The following MFSD8 variants were observed in gnomAD, a reference collection of about 807,000 sequenced individuals.
The protein encoded by MFSD8 is major facilitator superfamily domain-containing protein 8.
In MFSD8, 55 loss-of-function variants were observed where a neutral mutation model predicts 66.4. The observed-to-expected ratio is 0.83, with a 90% CI of 0.67 to 1.04. The LOEUF (loss-of-function observed/expected upper bound fraction) is 1.04. Among genes scored for constraint, MFSD8 ranks in the 50% least tolerant of loss-of-function variants. The probability of loss-of-function intolerance (pLI) is 0.00; values close to 1 mark genes in which losing one functional copy is unlikely to be tolerated. For missense variants in MFSD8, 550 were observed against 627.6 expected (o/e 0.88, Z 1.32); for synonymous variants, 202 against 212.8 (o/e 0.95, Z 0.44).
intron 11 of MFSD8, 45 bp downstream of exon 11, chr4:127,921,479 A>T (rs754241172): frequency 6.2e-7 from 1 of 1,612,836 alleles, no homozygotes; most frequent in African/African-American, 1.3e-5. Context: ...TTGAGTGCTT[A>T]CAAGTATATT....
chr4:127,933,084 T>C lies in MFSD8; in HGVS notation c.764A>G (p.Asp255Gly), dbSNP rs1738433793. The C allele has an allele frequency of 1.2e-6, 2 of 1,613,502 alleles. No individual in the cohort carries two copies. Among genetic ancestry groups the C allele is most frequent in the Non-Finnish European group, 1.7e-6 (2 of 1,179,564 alleles). Residue 255 changes from aspartate (D) to glycine (G), a missense_variant, in exon 8 of 12, where the codon GAT becomes GGT. Physicochemically the swap from Asp to Gly is moderately conservative, Grantham distance 94. Transcript: ENST00000641686. ...ATTTCCTTGGGGAACCTGAGCTTCATCTGTACTTGCTATAGGGAAATAGGA... is the reference window on the plus strand; with the variant it reads ...ATTTCCTTGGGGAACCTGAGCTTCACCTGTACTTGCTATAGGGAAATAGGA... ...KSINFEEASTDEAQVPQGNID... is the reference protein window; with the variant it reads ...KSINFEEASTGEAQVPQGNID...
At chr4:127,953,613 G>C (rs568444254) in intron 2 of MFSD8, among the ~76,000 whole-genome samples, 1 of 138,562 alleles carries the variant, frequency 7.2e-6, no homozygotes, top group South Asian at 2.3e-4. Context: ...GAGTGCAGTG[G>C]TGTGATCTTG....
At chr4:127,928,535 A>G (rs897684783) in intron 9 of MFSD8, among the ~76,000 whole-genome samples, 3 of 152,228 alleles carry the variant, frequency 2.0e-5, no homozygotes, top group African/African-American at 7.2e-5. Context: ...AGTCAAAACC[A>G]CAATTAGGTA....
At chr4:127,926,091 G>T (rs922406239) in intron 9 of MFSD8, among the ~76,000 whole-genome samples, 4 of 151,742 alleles carry the variant, frequency 2.6e-5, no homozygotes, top group South Asian at 2.1e-4. Context: ...ATTGCGGGGT[G>T]GGGGGCTAGA....
chr4:127,962,688 T>C (rs368055889), intron 1 of MFSD8, among the ~76,000 whole-genome samples: 3 of 151,596 alleles, frequency 2.0e-5, no homozygotes, highest in Admixed American at 6.6e-5. Context: ...AAAAAAAGTA[T>C]AGCAGTGTAA....
chr4:127,933,256 A>C (rs1011277244), intron 7 of MFSD8, 163 bp from the exon 8 acceptor site: 8 of 571,338 alleles, frequency 1.4e-5, no homozygotes, highest in Non-Finnish European at 2.2e-5. Flanking sequence ...GTTTATTTTT[A>C]TTTTTTGAGA....
chr4:127,939,596 T>G, intron 6 of MFSD8: 1 of 257,048 alleles, frequency 3.9e-6, no homozygotes, highest in Non-Finnish European at 6.4e-6. Flanking sequence ...CAGAGTAAGA[T>G]CTTGTCTCAA....
rs1275609214 is a variant in MFSD8, at chr4:127,958,942, C to A, written c.63-1350G>T. 8.5e-5 allele frequency among the ~76,000 whole-genome samples: 13 copies of A among 152,296 alleles called. No individual in the cohort carries two copies. In the South Asian group the frequency reaches 2.5e-3, roughly 29 times the overall value. The stretch of plus-strand genomic sequence containing the variant: ...GAAGGATCATCAATGGATGCTAAAA[C>A]AACTGACTGGAAGATTGTTAAGGAG... On this transcript the variant is annotated intron_variant, in intron 1 of 11. Coordinates refer to ENST00000641686, the MANE Select transcript of MFSD8 (RefSeq NM_001371596.2).
chr4:127,938,602 AAT>A (rs1560744965), intron 7 of MFSD8, among the ~76,000 whole-genome samples, 179 bp downstream of exon 7: 112 of 136,618 alleles, frequency 8.2e-4, no homozygotes, highest in African/African-American at 2.6e-3. Flanking sequence ...AAAATAAATA[AAT>A]AAATAAATAA....
In MFSD8 at chr4:127,921,607, C is replaced by G. The variant is rs1200446199; in HGVS notation, c.1267G>C (p.Ala423Pro). Residue 423 changes from alanine to proline, a missense_variant, in exon 11 of 12, where the codon GCT (alanine) becomes CCT (proline). Coordinates refer to ENST00000641686, the MANE Select transcript of MFSD8 (RefSeq NM_001371596.2). ...GGATAGCCTAATCCTATTAGCACAG[C>G]TGATGTAAGGAACTGGGCCAGATGA... ...VIHLAQFLTS[A>P]VLIGLGYPVC... 12 of 1,614,042 alleles carry G rather than the reference C, an allele frequency of 7.4e-6. No homozygotes were observed. In the Admixed American group the frequency reaches 2.0e-4, roughly 27 times the overall value.
intron 4 of MFSD8, among the ~76,000 whole-genome samples, chr4:127,943,124 G>A (rs1406037825): frequency 1.3e-5 from 2 of 152,034 alleles, no homozygotes; most frequent in Non-Finnish European, 2.9e-5. Flanking sequence ...GGCTGAGGCA[G>A]GAGAATTGCT....
At chr4:127,926,552 G>A (rs1045381341) in intron 9 of MFSD8, among the ~76,000 whole-genome samples, 15 of 151,790 alleles carry the variant, frequency 9.9e-5, no homozygotes, top group Admixed American at 1.3e-4. Context: ...TGCTTTGAGG[G>A]GATGGTATTG....
intron 7 of MFSD8, among the ~76,000 whole-genome samples, chr4:127,934,946 TG>T (rs1738807923): frequency 1.6e-4 from 1 of 6,324 alleles, no homozygotes; most frequent in African/African-American, 6.8e-4. Flanking sequence ...TGTTAGTGGG[TG>T]GGTGGGGGGG....
intron 7 of MFSD8, among the ~76,000 whole-genome samples, chr4:127,936,170 G>A (rs34625382): frequency 0.55 from 84,068 of 151,596 alleles, 24,529 homozygotes; most frequent in Middle Eastern, 0.8. Flanking sequence ...GCTGGAGTAC[G>A]TGGCGTGATA....
chr4:127,957,349 T>A (rs554202515), intron 2 of MFSD8, 152 bp downstream of exon 2: 6 of 621,784 alleles, frequency 9.6e-6, no homozygotes, highest in African/African-American at 1.8e-5. Flanking sequence ...TTAAGGCTAT[T>A]GAACTTAGAT....
chr4:127,926,511 T>C (rs1219637701), intron 9 of MFSD8, among the ~76,000 whole-genome samples: 1 of 151,864 alleles, frequency 6.6e-6, no homozygotes, highest in Non-Finnish European at 1.5e-5. Context: ...CACATTTGTG[T>C]TTATTGGCTT....
chr4:127,942,024 T>G, intron 5 of MFSD8, 21 bp downstream of exon 5: 25 of 1,560,654 alleles, frequency 1.6e-5, no homozygotes, highest in African/African-American at 2.7e-5. Context: ...ATTCAAGTAA[T>G]GACATGTGAA....
upstream of MFSD8, chr4:127,965,176 C>T (rs775119203): frequency 1.9e-6 from 3 of 1,611,334 alleles, no homozygotes; most frequent in East Asian, 2.2e-5. Context: ...ACTCTCGCGA[C>T]ACCTGCTTTC....
At chr4:127,947,206 A>G (rs1308633279) in intron 3 of MFSD8, among the ~76,000 whole-genome samples, 1 of 151,976 alleles carries the variant, frequency 6.6e-6, no homozygotes, top group Non-Finnish European at 1.5e-5. Context: ...CCTAGCCAAC[A>G]TGCCGAAAAC....
Sources: gnomAD v4.1 joint callset for allele counts (sites outside exome capture counted in the v4.1 genomes callset) on GRCh38, gnomAD v4.1.1 for gene constraint, MANE v1.5 for transcripts, NCBI Gene and HGNC (gene_info 2026-07-23, HGNC 2026-07-21) for gene names.